The following DIAPH2 variants were observed in gnomAD, a reference collection of about 807,000 sequenced individuals.
DIAPH2 encodes diaphanous related formin 2, also known as protein diaphanous homolog 2.
In DIAPH2, 35 loss-of-function variants were observed where a neutral mutation model predicts 92.7. The ratio of observed to expected loss-of-function variants is 0.38; its 90% CI spans 0.29 to 0.50. DIAPH2 has a LOEUF of 0.50. DIAPH2 is among the 20% of genes least tolerant of loss of function. The pLI is 0.94. For missense variants in DIAPH2, 701 were observed against 819.5 expected (o/e 0.86, Z 1.77); for synonymous variants, 301 against 280.4 (o/e 1.07, Z -0.73).
intron 24 of DIAPH2, among the ~76,000 whole-genome samples, chrX:97,365,121 A>C (rs2069367651): frequency 9.0e-6 from 1 of 111,294 alleles, no homozygotes; most frequent in African/African-American, 3.3e-5. Flanking sequence ...TATGCAGTTA[A>C]AACTCAAGAG....
intron 4 of DIAPH2, 121 bp from the exon 5 acceptor site, chrX:96,881,458 A>C (rs929667331): frequency 3.6e-6 from 2 of 553,826 alleles, no homozygotes; most frequent in Non-Finnish European, 5.4e-6. Context: ...GTGATCAAGA[A>C]TTTTTAAGTG....
chrX:97,533,000 T>A (rs1221811548), intron 26 of DIAPH2, among the ~76,000 whole-genome samples: 2 of 108,329 alleles, frequency 1.8e-5, no homozygotes, highest in African/African-American at 3.4e-5. Flanking sequence ...TTATTTCTAT[T>A]TTTTTTTTTA....
At chrX:96,815,173 G>A (rs764869890) in intron 4 of DIAPH2, among the ~76,000 whole-genome samples, 4 of 112,156 alleles carry the variant, frequency 3.6e-5, no homozygotes, top group Middle Eastern at 4.7e-3. Flanking sequence ...GCCTTGCCGA[G>A]CTGCAGTGGG....
intron 5 of DIAPH2, among the ~76,000 whole-genome samples, chrX:96,896,571 A>G (rs2065346116): frequency 8.9e-6 from 1 of 112,240 alleles, no homozygotes; most frequent in Admixed American, 9.5e-5. Context: ...GTAAATGAAG[A>G]AAAATCCATG....
In DIAPH2 at chrX:97,588,996, AATATATAT is replaced by A. The variant is rs199558439; in HGVS notation, c.3242-10233_3242-10226del. Among the ~76,000 whole-genome samples, 174 of 31,705 alleles carry A rather than the reference AATATATAT, an allele frequency of 5.5e-3. 3 individuals carry two copies. In the Middle Eastern group the frequency reaches 0.23, roughly 41 times the overall value. The allele number at this position is 31,705 out of a possible 115,157, so 27.5% of individuals were successfully genotyped here. A position where few individuals can be genotyped will look rare whatever the true frequency, so the allele number is the denominator to read the frequency against. On this transcript the variant is annotated intron_variant, in intron 26 of 26. Transcript: ENST00000324765. ...ATGCCAAAAATTCAGATATTATAGA[AATATATAT>A]ATATATATATATATATATATATAAA...
chrX:97,500,768 A>G (rs1370656941), intron 26 of DIAPH2, among the ~76,000 whole-genome samples: 3 of 13,703 alleles, frequency 2.2e-4, no homozygotes, highest in Non-Finnish European at 4.0e-4. Flanking sequence ...AAGGAGATAT[A>G]TATATATATA....
chrX:96,709,944 A>G (rs2063908404), intron 1 of DIAPH2, among the ~76,000 whole-genome samples: 1 of 112,094 alleles, frequency 8.9e-6, no homozygotes, highest in Non-Finnish European at 1.9e-5. Flanking sequence ...TTTATTGAAT[A>G]TGGTAATTTT....
intron 26 of DIAPH2, among the ~76,000 whole-genome samples, chrX:97,445,868 C>CT (rs1436169053): frequency 5.5e-5 from 6 of 109,631 alleles, no homozygotes; most frequent in African/African-American, 2.0e-4. Flanking sequence ...TGTTTCAAGT[C>CT]TTTTATCTGT....
chrX:97,464,629 G>C (rs766730421), intron 26 of DIAPH2, among the ~76,000 whole-genome samples: 16 of 111,520 alleles, frequency 1.4e-4, no homozygotes, highest in East Asian at 8.5e-4. Flanking sequence ...AGCCAGAGCA[G>C]AGATAAGATC....
chrX:96,947,727 A>G (rs1407368502), intron 14 of DIAPH2, among the ~76,000 whole-genome samples: 1 of 112,277 alleles, frequency 8.9e-6, no homozygotes, highest in African/African-American at 3.2e-5. Flanking sequence ...TTGTTCCACA[A>G]ACTCTTAAGA....
rs767580502 is a variant in DIAPH2 at position 97,141,645 on chromosome X, GTGT to G, written c.2590-12_2590-10del. The G allele has an allele frequency of 3.9e-5, 45 of 1,166,965 alleles. No individual in the cohort carries two copies. In the African/African-American group the frequency reaches 6.9e-4, roughly 18 times the overall value. On this transcript the variant is annotated splice_polypyrimidine_tract_variant and intron_variant, in intron 21 of 26. Transcript: ENST00000324765. ...ATTTACTAAAAAATTACTAAAAAAT[GTGT>G]TGTTGTTTTCTCCCAGATCAGAGAT...
intron 19 of DIAPH2, among the ~76,000 whole-genome samples, chrX:97,089,265 T>C (rs776072558): frequency 8.1e-5 from 9 of 111,614 alleles, no homozygotes; most frequent in Non-Finnish European, 1.7e-4. Flanking sequence ...GAGTTGAGCT[T>C]CCCTAAAGGA....
chrX:96,790,963 A>G (rs1202534801), intron 4 of DIAPH2, among the ~76,000 whole-genome samples: 1 of 111,477 alleles, frequency 9.0e-6, no homozygotes, highest in Non-Finnish European at 1.9e-5. Flanking sequence ...ATATTTTCAA[A>G]AAGTTTTCAT....
At chrX:97,378,673 TGCACCGCA>T (rs2147727165) in intron 24 of DIAPH2, among the ~76,000 whole-genome samples, 1 of 112,269 alleles carries the variant, frequency 8.9e-6, no homozygotes, top group African/African-American at 3.2e-5. Context: ...ATTGTACCAC[TGCACCGCA>T]GTCTGGGTGA....
intron 25 of DIAPH2, among the ~76,000 whole-genome samples, chrX:97,389,118 C>T (rs2069629420): frequency 9.0e-6 from 1 of 110,710 alleles, no homozygotes. Flanking sequence ...CTCCAGGAGT[C>T]CCCCGCCACA....
chrX:97,392,103 G>GT (rs1267245552), intron 25 of DIAPH2, among the ~76,000 whole-genome samples: 218 of 112,024 alleles, frequency 1.9e-3, no homozygotes, highest in African/African-American at 6.8e-3. Context: ...AATTCTGTGT[G>GT]TTCAGAAGTG....
At chrX:97,009,645 G>A (rs944104099) in intron 17 of DIAPH2, among the ~76,000 whole-genome samples, 5 of 112,144 alleles carry the variant, frequency 4.5e-5, no homozygotes, top group African/African-American at 6.5e-5. Context: ...TAGTAAGCAG[G>A]TGATGAATCC....
intron 3 of DIAPH2, among the ~76,000 whole-genome samples, chrX:96,743,835 G>A (rs1474676639): frequency 9.0e-6 from 1 of 111,420 alleles, no homozygotes; most frequent in African/African-American, 3.3e-5. Context: ...TAGATGTAAA[G>A]TGTTCTCACC....
intron 4 of DIAPH2, among the ~76,000 whole-genome samples, chrX:96,854,599 A>T (rs1440852228): frequency 3.0e-4 from 2 of 6,744 alleles, no homozygotes; most frequent in Non-Finnish European, 2.6e-4. Context: ...TCTCTCTCTC[A>T]TATATATATA....
Sources: gnomAD v4.1 joint callset for allele counts (sites outside exome capture counted in the v4.1 genomes callset) on GRCh38, gnomAD v4.1.1 for gene constraint, MANE v1.5 for transcripts, NCBI Gene and HGNC (gene_info 2026-07-23, HGNC 2026-07-21) for gene names.